KIAA1328: variants seen among roughly 807,000 people sequenced by gnomAD.
The protein encoded by KIAA1328 is KIAA1328, also known as protein hinderin.
KIAA1328 carries 52 observed loss-of-function variants against 68.1 expected under a neutral mutation model. The ratio of observed to expected loss-of-function variants is 0.76; its 90% confidence interval spans 0.61 to 0.96. KIAA1328 has a LOEUF of 0.96. Among genes scored for constraint, KIAA1328 ranks in the 40% least tolerant of loss-of-function variants. The probability of loss-of-function intolerance (pLI) is 0.00; values close to 1 mark genes in which losing one functional copy is unlikely to be tolerated. For missense variants in KIAA1328, 641 were observed against 677.6 expected, an observed-to-expected ratio of 0.95 and a Z score of 0.60; for synonymous variants, 232 against 239.4, an observed-to-expected ratio of 0.97 and a Z score of 0.28.
At chr18:37,099,174 C>G (rs1198094632) in intron 7 of KIAA1328, among the ~76,000 whole-genome samples, 1 of 152,108 alleles carries the variant, frequency 6.6e-6, no homozygotes, top group Non-Finnish European at 1.5e-5. Context: ...GTTAGGATGT[C>G]AATTTTAGAT....
chr18:36,934,548 A>G (rs963569057), intron 5 of KIAA1328, among the ~76,000 whole-genome samples: 6 of 152,028 alleles, frequency 3.9e-5, no homozygotes, highest in African/African-American at 1.5e-4. Flanking sequence ...CCTATGAGTG[A>G]GAACATGCAG....
chr18:37,180,771 T>TA (rs1478429885), intron 9 of KIAA1328, among the ~76,000 whole-genome samples: 1 of 152,076 alleles, frequency 6.6e-6, no homozygotes, highest in Non-Finnish European at 1.5e-5. Flanking sequence ...AGGAATAAGA[T>TA]AAACTAAGAT....
intron 8 of KIAA1328, among the ~76,000 whole-genome samples, chr18:37,160,725 C>G (rs1202144824): frequency 2.0e-5 from 3 of 152,108 alleles, no homozygotes; most frequent in Non-Finnish European, 1.5e-5. Flanking sequence ...GAAAAATAAA[C>G]CCTAACAACT....
chr18:36,979,845 G>C (rs1175628711), intron 6 of KIAA1328, among the ~76,000 whole-genome samples: 1 of 152,202 alleles, frequency 6.6e-6, no homozygotes, highest in Non-Finnish European at 1.5e-5. Context: ...GTGTATACCA[G>C]TGCTATGGTC....
At chr18:37,063,299 A>G (rs2056224307) in intron 6 of KIAA1328, among the ~76,000 whole-genome samples, 1 of 152,084 alleles carries the variant, frequency 6.6e-6, no homozygotes, top group South Asian at 2.1e-4. Flanking sequence ...TTATTTCTTC[A>G]TGGCCAGCAG....
intron 9 of KIAA1328, among the ~76,000 whole-genome samples, 193 bp from the exon 10 acceptor site, chr18:37,221,824 T>G (rs1786058): frequency 0.28 from 42,174 of 152,066 alleles, 9,382 homozygotes; most frequent in African/African-American, 0.62. Flanking sequence ...AGAGCTTATG[T>G]ACAGGCAGCA....
intron 9 of KIAA1328, among the ~76,000 whole-genome samples, chr18:37,209,588 G>C (rs1412989048): frequency 2.0e-5 from 3 of 152,068 alleles, no homozygotes; most frequent in Non-Finnish European, 2.9e-5. Context: ...TTGAGGAGGT[G>C]ACATTTAAAC....
rs1327635378 is a variant in KIAA1328 at position 37,066,886 on chromosome 18, C to T, written c.577-4C>T. On this transcript the variant is annotated splice_polypyrimidine_tract_variant and splice_region_variant and intron_variant, in intron 6 of 9. Coordinates refer to ENST00000280020, the MANE Select transcript of KIAA1328 (RefSeq NM_020776.3). ...TTGACAGGTGATCTTGTGGTTCTTTCTAGGTATCCAGTAGAAAAAGCACTC... is the reference window on the plus strand; with the variant it reads ...TTGACAGGTGATCTTGTGGTTCTTTTTAGGTATCCAGTAGAAAAAGCACTC... The T allele has an allele frequency of 5.1e-6, 8 of 1,562,130 alleles. No homozygotes were observed. The highest frequency in any genetic ancestry group is 6.9e-6 in the Non-Finnish European group (8 of 1,155,726).
intron 6 of KIAA1328, among the ~76,000 whole-genome samples, chr18:36,973,023 A>G (rs1362519461): frequency 1.3e-5 from 2 of 152,198 alleles, no homozygotes; most frequent in African/African-American, 4.8e-5. Flanking sequence ...AGAATGGATT[A>G]TTTTTATTGG....
chr18:37,029,455 C>T (rs1009024981), intron 6 of KIAA1328, among the ~76,000 whole-genome samples: 1 of 152,124 alleles, frequency 6.6e-6, no homozygotes, highest in Non-Finnish European at 1.5e-5. Context: ...TTCACTGCAA[C>T]TTCCACCTCC....
At chr18:36,926,169 T>C (rs751604898) in intron 5 of KIAA1328, among the ~76,000 whole-genome samples, 3 of 152,110 alleles carry the variant, frequency 2.0e-5, no homozygotes, top group Non-Finnish European at 4.4e-5. Context: ...GGAGGAAGGA[T>C]AGATTATCTG....
chr18:37,106,875 A>C (rs1156356046), intron 7 of KIAA1328, among the ~76,000 whole-genome samples: 1 of 152,230 alleles, frequency 6.6e-6, no homozygotes, highest in Non-Finnish European at 1.5e-5. Context: ...TTTAGAGTAC[A>C]TAAGCTTTTC....
intron 7 of KIAA1328, among the ~76,000 whole-genome samples, chr18:37,116,221 G>C (rs1232024180): frequency 6.6e-6 from 1 of 152,118 alleles, no homozygotes; most frequent in Non-Finnish European, 1.5e-5. Context: ...TAAGCCAAAA[G>C]AACAAAGCTG....
At chr18:37,110,397 T>C (rs1184891592) in intron 7 of KIAA1328, among the ~76,000 whole-genome samples, 1 of 152,258 alleles carries the variant, frequency 6.6e-6, no homozygotes, top group Non-Finnish European at 1.5e-5. Context: ...AAGACCTTTA[T>C]GTGCCTGTAA....
At chr18:37,121,644 T>C (rs1220787011) in intron 7 of KIAA1328, among the ~76,000 whole-genome samples, 1 of 152,100 alleles carries the variant, frequency 6.6e-6, no homozygotes, top group Non-Finnish European at 1.5e-5. Context: ...CTTTATATAA[T>C]GACTGGAAAG....
intron 7 of KIAA1328, among the ~76,000 whole-genome samples, chr18:37,127,007 A>T (rs948535825): frequency 3.3e-5 from 5 of 152,212 alleles, no homozygotes; most frequent in African/African-American, 1.2e-4. Flanking sequence ...ACCGTACCCT[A>T]CTAAGACTGG....
downstream of KIAA1328, chr18:37,229,654 C>A: frequency 5.0e-6 from 4 of 804,714 alleles, no homozygotes; most frequent in South Asian, 6.0e-5. Flanking sequence ...GCAGCCGGAT[C>A]ATGAGGTCAG....
intron 5 of KIAA1328, among the ~76,000 whole-genome samples, chr18:36,890,795 C>CA (rs1226133278): frequency 2.2e-4 from 34 of 152,026 alleles, no homozygotes; most frequent in Non-Finnish European, 3.7e-4. Context: ...GATGACTCAA[C>CA]AAAAAATGAT....
intron 4 of KIAA1328, among the ~76,000 whole-genome samples, chr18:36,853,956 C>T (rs2047301041): frequency 6.6e-6 from 1 of 152,064 alleles, no homozygotes; most frequent in Admixed American, 6.6e-5. Context: ...CTGCACCCGG[C>T]CCACTGTGTG....
Sources: allele counts gnomAD v4.1 joint callset (sites outside exome capture counted in the v4.1 genomes callset), GRCh38; gene constraint gnomAD v4.1.1; transcripts MANE v1.5; gene names NCBI Gene and HGNC (gene_info 2026-07-23, HGNC 2026-07-21).